The following ANAPC2 variants were observed in gnomAD, a reference collection of about 807,000 sequenced individuals.
The protein encoded by ANAPC2 is anaphase promoting complex subunit 2, also known as anaphase-promoting complex subunit 2.
ANAPC2 carries 29 observed loss-of-function variants against 84.3 expected under a neutral mutation model. That is an observed-to-expected ratio of 0.34 (90% confidence interval 0.26 to 0.47). The LOEUF is 0.47. Ranked by LOEUF, ANAPC2 falls within the 20% of genes least tolerant of loss-of-function variation. ANAPC2 has a pLI of 1.00. For synonymous variants in ANAPC2, 571 were observed against 479.4 expected, an observed-to-expected ratio of 1.19 and a Z score of -2.50; for missense variants, 857 against 1,131.7, an observed-to-expected ratio of 0.76 and a Z score of 3.48.
intron 2 of ANAPC2, chr9:137,186,676 G>A (rs1434116939): frequency 2.7e-6 from 1 of 372,130 alleles, no homozygotes; most frequent in Non-Finnish European, 4.9e-6. Flanking sequence ...TTATCTCCTA[G>A]GATCAACTCT....
intron 10 of ANAPC2, among the ~76,000 whole-genome samples, chr9:137,178,871 C>G (rs1457709347): frequency 6.6e-6 from 1 of 152,208 alleles, no homozygotes; most frequent in African/African-American, 2.4e-5. Flanking sequence ...TGGCCCTCCC[C>G]TTGTCTGTCT....
At chr9:137,186,729 C>G in intron 2 of ANAPC2, 1 of 245,396 alleles carries the variant, frequency 4.1e-6, no homozygotes, top group Non-Finnish European at 7.9e-6. Context: ...CGCAGAGGTA[C>G]AGATGCCACT....
chr9:137,181,630 G>A (rs751308403), intron 7 of ANAPC2, 51 bp downstream of exon 7: 33 of 1,513,208 alleles, frequency 2.2e-5, no homozygotes, highest in Middle Eastern at 2.2e-4. Flanking sequence ...CGGACGGCCT[G>A]GCTGAAGCGC....
At chr9:137,183,401 C>G (rs1000352600) in intron 5 of ANAPC2, 159 bp from the exon 6 acceptor site, 5 of 778,556 alleles carry the variant, frequency 6.4e-6, no homozygotes, top group Non-Finnish European at 1.1e-5. Flanking sequence ...TACCTGTTCA[C>G]AGGTCCCGCC....
chr9:137,179,582 G>C (rs28505406), intron 10 of ANAPC2, among the ~76,000 whole-genome samples: 1 of 152,180 alleles, frequency 6.6e-6, no homozygotes, highest in Non-Finnish European at 1.5e-5. Context: ...GTGACCTCCA[G>C]GCCAGGGCTC....
intron 10 of ANAPC2, among the ~76,000 whole-genome samples, chr9:137,177,646 G>T (rs1215157954): frequency 6.6e-6 from 1 of 152,170 alleles, no homozygotes; most frequent in African/African-American, 2.4e-5. Flanking sequence ...CTTGCACGTG[G>T]GAGGGGCCCA....
In ANAPC2 at chr9:137,174,979, G is replaced by A. The variant is rs1435912407; in HGVS notation, c.2432C>T (p.Ser811Leu). Reference protein sequence around the residue: ...KKVRDQQLVYSAGVYRLPKNC... With the variant: ...KKVRDQQLVYLAGVYRLPKNC... Reference sequence around the variant, plus strand: ...CTTGGGCAGGCGGTAGACGCCGGCCGAGTAGACGAGCTGCTGGTCCCGCAC... The same window carrying A: ...CTTGGGCAGGCGGTAGACGCCGGCCAAGTAGACGAGCTGCTGGTCCCGCAC... Residue 811 changes from serine to leucine, a missense_variant, in exon 13 of 13, where the codon TCG becomes TTG. Physicochemically the swap from Ser to Leu is moderately radical, Grantham distance 145. Around this residue, in one of 3 missense-constraint regions of ANAPC2, gnomAD observed 425 missense variants for 595.5 expected, o/e 0.71. Coordinates refer to ENST00000323927, the MANE Select transcript of ANAPC2 (RefSeq NM_013366.4). The surrounding 1 kb of genome is among the most constrained non-coding windows in gnomAD (Gnocchi z 6.1). 3.8e-6 allele frequency: 6 copies of A among 1,597,536 alleles called. No individual in the cohort carries two copies. Among genetic ancestry groups the A allele is most frequent in the South Asian group, 1.1e-5 (1 of 89,020 alleles).
In ANAPC2 at chr9:137,186,731, G is replaced by A. The variant is rs1465438634; in HGVS notation, c.741-375C>T. 6 of 242,222 alleles carry A rather than the reference G, an allele frequency of 2.5e-5. No individual in the cohort carries two copies. The East Asian group carries it at 5.1e-4, about 21-fold the overall frequency. The allele number at this position is 242,222 out of a possible 1,614,324, so 15.0% of individuals were successfully genotyped here. A position where few individuals can be genotyped will look rare whatever the true frequency, so the allele number is the denominator to read the frequency against. On this transcript the variant is annotated intron_variant, in intron 2 of 12. Coordinates refer to ENST00000323927, the MANE Select transcript of ANAPC2 (RefSeq NM_013366.4). ...CTGCTACCCTGGCCGCAGAGGTACA[G>A]ATGCCACTGTTTGTGCCTTTCAGTG...
chr9:137,183,685 C>T lies in ANAPC2; in HGVS notation c.1155G>A (p.Arg385=). 1 of 1,611,472 alleles carries T rather than the reference C, an allele frequency of 6.2e-7. No individual in the cohort carries two copies. The highest frequency in any genetic ancestry group is 8.5e-7 in the Non-Finnish European group (1 of 1,179,174). The change falls in exon 5 of 13, where the codon CGG becomes CGA. Residue 385 remains arginine, a synonymous_variant. Transcript: ENST00000323927. ...LVSLKAALET[R]LLHPGVNTCD... is the part of the protein sequence containing the mutation. ...AGCACACAGCACCTGGATGCAGGAG[C>T]CGAGTCTCCAGGGCAGCCTTGAGGG...
chr9:137,180,974 A>G, intron 7 of ANAPC2, 45 bp from the exon 8 acceptor site: 1 of 1,603,268 alleles, frequency 6.2e-7, no homozygotes, highest in African/African-American at 1.3e-5. Flanking sequence ...GCACCTGGGC[A>G]AGGACAGGGC....
chr9:137,184,265 G>A (rs1177498776), intron 4 of ANAPC2, among the ~76,000 whole-genome samples: 1 of 151,304 alleles, frequency 6.6e-6, no homozygotes, highest in East Asian at 2.0e-4. Flanking sequence ...ACACAGAGCA[G>A]ACACGGCGAA....
rs891205385 is a variant in ANAPC2 at position 137,183,858 on chromosome 9, G to A, written c.1049-67C>T. On this transcript the variant is annotated intron_variant, in intron 4 of 12. Coordinates refer to ENST00000323927, the MANE Select transcript of ANAPC2 (RefSeq NM_013366.4). ...GTGCGCACGTGCAGGCTGGTGCAGA[G>A]TGTGTGCGGTGTGGGAAAGGACACG... 6 of 1,576,644 alleles carry A rather than the reference G, an allele frequency of 3.8e-6. No individual in the cohort carries two copies. In the African/African-American group the frequency reaches 4.0e-5, roughly 11 times the overall value.
intron 3 of ANAPC2, among the ~76,000 whole-genome samples, 161 bp from the exon 4 acceptor site, chr9:137,185,248 G>A (rs943772056): frequency 2.0e-5 from 3 of 152,222 alleles, no homozygotes; most frequent in African/African-American, 7.2e-5. Flanking sequence ...AAAACCTGCA[G>A]GGTGGGTGAT....
At position 137,185,193 on chromosome 9, in the gene ANAPC2, G is replaced by A. The variant is rs116546976; in HGVS notation, c.874-106C>T. The A allele has an allele frequency of 5.6e-4, 714 of 1,270,380 alleles. 1 individual carries two copies. The African/African-American group carries it at 0.01, about 18-fold the overall frequency. The allele number at this position is 1,270,380 out of a possible 1,614,324, so 78.7% of individuals were successfully genotyped here. On this transcript the variant is annotated intron_variant, in intron 3 of 12. Coordinates refer to ENST00000323927, the MANE Select transcript of ANAPC2 (RefSeq NM_013366.4). Reference sequence around the variant, plus strand: ...GCCACCCACCCTGTCGGCCGGGACCGAGGGGAGCCCGAAGGCCACCTGCGT... The same window carrying A: ...GCCACCCACCCTGTCGGCCGGGACCAAGGGGAGCCCGAAGGCCACCTGCGT...
chr9:137,186,082 C>A (rs989978826), intron 3 of ANAPC2, 142 bp downstream of exon 3: 9 of 1,205,694 alleles, frequency 7.5e-6, no homozygotes, highest in African/African-American at 1.5e-5. Flanking sequence ...CTCTACCCCA[C>A]ATCAAGACAG....
chr9:137,186,105 C>T (rs1397130661), intron 3 of ANAPC2, 119 bp downstream of exon 3: 18 of 1,431,218 alleles, frequency 1.3e-5, no homozygotes, highest in Non-Finnish European at 1.7e-5. Flanking sequence ...CCAGCCACCA[C>T]CCGGTCTGGG....
Position 137,184,971 on chromosome 9 carries a change from C to G in ANAPC2, c.990G>C (p.Arg330Ser). ...TLRRWRCHVQRFFYRIYASLR... is the reference protein window; with the variant it reads ...TLRRWRCHVQSFFYRIYASLR... Reference sequence around the variant, plus strand: ...GGCTGGCGTAGATGCGGTAGAAGAACCTTTGCACGTGGCAGCGCCAGCGGC... The same window carrying G: ...GGCTGGCGTAGATGCGGTAGAAGAAGCTTTGCACGTGGCAGCGCCAGCGGC... The change falls in exon 4 of 13, where the codon AGG (arginine) becomes AGC (serine). Residue 330 changes from arginine to serine, a missense_variant. This residue lies in a region of ANAPC2 where 428 missense variants were observed against 513.8 expected (regional missense o/e 0.83). Coordinates refer to ENST00000323927, the MANE Select transcript of ANAPC2 (RefSeq NM_013366.4). 6.2e-7 allele frequency: 1 copy of G among 1,612,486 alleles called. No individual in the cohort carries two copies. Among genetic ancestry groups the G allele is most frequent in the Non-Finnish European group, 8.5e-7 (1 of 1,179,646 alleles).
intron 12 of ANAPC2, 40 bp downstream of exon 12, chr9:137,175,197 G>GC (rs771525921): frequency 1.9e-6 from 3 of 1,602,976 alleles, no homozygotes; most frequent in Middle Eastern, 1.7e-4. Context: ...TGCAGGCCTC[G>GC]CCCCCGCCCC....
intron 4 of ANAPC2, 108 bp from the exon 5 acceptor site, chr9:137,183,899 G>C (rs1046685946): frequency 1.9e-5 from 28 of 1,471,578 alleles, no homozygotes; most frequent in Non-Finnish European, 2.4e-5. Context: ...GCCAGCCCCA[G>C]GACGATGATG....
Sources: gnomAD v4.1 joint callset for allele counts (sites outside exome capture counted in the v4.1 genomes callset) on GRCh38, gnomAD v4.1.1 for gene constraint, gnomAD v4.1.1 regional missense constraint, Gnocchi (gnomAD v3.1) non-coding constraint, MANE v1.5 for transcripts, NCBI Gene and HGNC (gene_info 2026-07-23, HGNC 2026-07-21) for gene names.